Variants in SMIM45 observed in about 807,000 individuals in gnomAD.
The protein encoded by SMIM45 is small integral membrane protein 45, also known as long intergenic non-protein coding RNA 634.
chr22:41,955,270 C>A, the SMIM45 span, among the ~76,000 whole-genome samples: 1 of 151,734 alleles, frequency 6.6e-6, no homozygotes, highest in African/African-American at 2.4e-5. Flanking sequence ...AACTCCACCT[C>A]CTGGGTTCAA....
the SMIM45 span, among the ~76,000 whole-genome samples, chr22:41,954,781 G>A: frequency 6.6e-6 from 1 of 151,978 alleles, no homozygotes; most frequent in East Asian, 2.0e-4. Context: ...TCCGAGGTTA[G>A]GATCACTTGA....
the SMIM45 span, among the ~76,000 whole-genome samples, chr22:41,950,426 G>C: frequency 7.9e-5 from 12 of 152,182 alleles, no homozygotes; most frequent in African/African-American, 2.7e-4. Context: ...TTGGCCAGGT[G>C]GTGGCTCACG....
chr22:41,955,202 C>G, the SMIM45 span, among the ~76,000 whole-genome samples: 1 of 149,880 alleles, frequency 6.7e-6, no homozygotes, highest in Non-Finnish European at 1.5e-5. Context: ...TTTTTTGAGA[C>G]AGAGTTTCAC....
chr22:41,957,449 A>G, the SMIM45 span, among the ~76,000 whole-genome samples: 4 of 147,058 alleles, frequency 2.7e-5, no homozygotes, highest in African/African-American at 1.0e-4. Flanking sequence ...TGATCCGCCC[A>G]CTTCGGCCTC....
At chr22:41,958,363 G>A in the SMIM45 span, 2 of 456,676 alleles carry the variant, frequency 4.4e-6, no homozygotes, top group African/African-American at 2.0e-5. Context: ...ACCTCGTTTG[G>A]AGGGATGTCA....
the SMIM45 span, among the ~76,000 whole-genome samples, chr22:41,951,827 C>T: frequency 6.6e-6 from 1 of 152,266 alleles, no homozygotes; most frequent in East Asian, 1.9e-4. Context: ...TCTCTGTCCC[C>T]ACCCGCTTGC....
At chr22:41,946,981 G>A in the SMIM45 span, 3 of 1,607,932 alleles carry the variant, frequency 1.9e-6, no homozygotes, top group African/African-American at 1.3e-5. Context: ...CCGCCCAGGA[G>A]GAAAAACCGG....
chr22:41,947,102 C>T, the SMIM45 span: 1 of 1,611,298 alleles, frequency 6.2e-7, no homozygotes, highest in South Asian at 1.1e-5. Context: ...AACCGTTGCT[C>T]CTGCGGTGCG....
the SMIM45 span, among the ~76,000 whole-genome samples, chr22:41,954,622 C>G: frequency 6.6e-6 from 1 of 152,300 alleles, no homozygotes; most frequent in Admixed American, 6.5e-5. Context: ...ATGTAGGTGA[C>G]GGACAGGCAG....
the SMIM45 span, chr22:41,958,513 G>C: frequency 6.4e-5 from 22 of 344,450 alleles, no homozygotes; most frequent in African/African-American, 4.0e-4. Flanking sequence ...AGAGAGTCTG[G>C]GGGGAGCGGG....
the SMIM45 span, chr22:41,958,740 C>A: frequency 5.0e-6 from 1 of 200,690 alleles, no homozygotes; most frequent in Middle Eastern, 2.2e-3. Context: ...TGTCCTGTGC[C>A]ACACTTCTGG....
At chr22:41,950,258 G>T in the SMIM45 span, among the ~76,000 whole-genome samples, 1 of 152,108 alleles carries the variant, frequency 6.6e-6, no homozygotes, top group Admixed American at 6.6e-5. Context: ...TTATTTCAAG[G>T]GTACAATTTG....
At chr22:41,950,262 C>A in the SMIM45 span, among the ~76,000 whole-genome samples, 1 of 152,158 alleles carries the variant, frequency 6.6e-6, no homozygotes. Flanking sequence ...TTCAAGGGTA[C>A]AATTTGATAA....
At chr22:41,952,958 A>T in the SMIM45 span, among the ~76,000 whole-genome samples, 1 of 151,996 alleles carries the variant, frequency 6.6e-6, no homozygotes, top group Admixed American at 6.6e-5. Flanking sequence ...CTCCTTCCCT[A>T]CCTTCACCAA....
chr22:41,958,366 G>T, the SMIM45 span: 5 of 456,664 alleles, frequency 1.1e-5, no homozygotes, highest in Admixed American at 1.2e-4. Context: ...TCGTTTGGAG[G>T]GATGTCAGCT....
At chr22:41,950,501 C>T in the SMIM45 span, among the ~76,000 whole-genome samples, 28 of 150,360 alleles carry the variant, frequency 1.9e-4, no homozygotes, top group Non-Finnish European at 3.5e-4. Flanking sequence ...AGTTCAAGAC[C>T]GGCTTGGGCA....
At chr22:41,947,094 C>G in the SMIM45 span, 2 of 1,612,498 alleles carry the variant, frequency 1.2e-6, no homozygotes, top group Non-Finnish European at 1.7e-6. Flanking sequence ...GCAGGACCAA[C>G]CGTTGCTCCT....
the SMIM45 span, among the ~76,000 whole-genome samples, chr22:41,953,157 G>A: frequency 7.7e-4 from 118 of 152,324 alleles, 1 homozygote; most frequent in Non-Finnish European, 5.9e-4. Context: ...AGAACAGCCA[G>A]TGAGGACCTT....
chr22:41,947,921 C>T, the SMIM45 span, among the ~76,000 whole-genome samples: 1 of 152,174 alleles, frequency 6.6e-6, no homozygotes, highest in African/African-American at 2.4e-5. Context: ...CGCTGCACAC[C>T]AGCAGGCCCT....
Sources: gnomAD v4.1 joint callset for allele counts (sites outside exome capture counted in the v4.1 genomes callset) on GRCh38, gnomAD v4.1.1 for gene constraint, MANE v1.5 for transcripts, NCBI Gene and HGNC (gene_info 2026-07-23, HGNC 2026-07-21) for gene names.